The following DIP2A variants were observed in gnomAD, a reference collection of about 807,000 sequenced individuals.
The protein encoded by DIP2A is disco-interacting protein 2 homolog A.
DIP2A carries 85 observed loss-of-function variants against 177.4 expected under a neutral mutation model. The observed-to-expected ratio is 0.48, with a 90% confidence interval of 0.40 to 0.57. DIP2A has a LOEUF of 0.57. Ranked by LOEUF, DIP2A falls within the 20% of genes least tolerant of loss-of-function variation. The pLI is 0.00. For synonymous variants in DIP2A, 886 were observed against 881.8 expected, an observed-to-expected ratio of 1.00 and a Z score of -0.08; for missense variants, 1,791 against 2,100.2, an observed-to-expected ratio of 0.85 and a Z score of 2.88.
At chr21:46,461,582 T>G (rs1363248192) in intron 1 of DIP2A, among the ~76,000 whole-genome samples, 1 of 152,210 alleles carries the variant, frequency 6.6e-6, no homozygotes, top group East Asian at 1.9e-4. Flanking sequence ...TCAAAGAACT[T>G]TATAATTTGT....
intron 1 of DIP2A, among the ~76,000 whole-genome samples, chr21:46,464,817 C>CTTTTTTTTTTTTTTTTTTTTTTTTTTTT (rs1168153777): frequency 6.8e-5 from 5 of 73,442 alleles, no homozygotes; most frequent in Non-Finnish European, 9.9e-5. Context: ...ATATTCATGT[C>CTTTTTTTTTTTTTTTTTTTTTTTTTTTT]TTTTTTTTTT....
chr21:46,551,538 C>T, intron 23 of DIP2A, 96 bp from the exon 24 acceptor site: 2 of 1,085,824 alleles, frequency 1.8e-6, no homozygotes, highest in Non-Finnish European at 2.7e-6. Context: ...ATGCCTCATT[C>T]AAGTATGTTT....
At chr21:46,576,967 A>G in the DIP2A span, among the ~76,000 whole-genome samples, 2 of 151,766 alleles carry the variant, frequency 1.3e-5, no homozygotes, top group Admixed American at 6.6e-5. Flanking sequence ...CCCACTTTTT[A>G]ATGAGGTTGG....
chr21:46,555,499 C>T lies in DIP2A; in HGVS notation c.3389-483C>T, dbSNP rs903071777. On this transcript the variant is annotated intron_variant, in intron 28 of 37. Transcript: ENST00000417564. The stretch of plus-strand genomic sequence containing the variant: ...CCTCACGGGCTTGCCTCAAGGGGAG[C>T]GGTGCCTGCCCTGCTGAGCCTGTGT... 1.5e-5 allele frequency: 3 copies of T among 195,504 alleles called. No homozygotes were observed. The South Asian group carries it at 2.6e-4, about 17-fold the overall frequency. 12.1% of individuals were successfully genotyped at this position (195,504 alleles called of 1,614,324 possible). A position where few individuals can be genotyped will look rare whatever the true frequency, so the allele number is the denominator to read the frequency against.
Position 46,561,736 on chromosome 21 carries a change from C to T in DIP2A, c.4032-12C>T. The T allele has an allele frequency of 6.2e-7, 1 of 1,613,878 alleles. No individual in the cohort carries two copies. Among genetic ancestry groups the T allele is most frequent in the Non-Finnish European group, 8.5e-7 (1 of 1,179,852 alleles). On this transcript the variant is annotated splice_polypyrimidine_tract_variant and intron_variant, in intron 33 of 37. Transcript: ENST00000417564. ...GTAAATTTTGTACTGAAATTGTTCCCTTAATTTTTAGGGTTCGTTTGGTAG... is the reference window on the plus strand; with the variant it reads ...GTAAATTTTGTACTGAAATTGTTCCTTTAATTTTTAGGGTTCGTTTGGTAG...
At chr21:46,544,568 A>G (rs78463142) in intron 18 of DIP2A, among the ~76,000 whole-genome samples, 9,068 of 152,272 alleles carry the variant, frequency 0.06, 334 homozygotes, top group Non-Finnish European at 0.082. Flanking sequence ...AGCAGCATCA[A>G]GGTTGTTTTG....
downstream of DIP2A, among the ~76,000 whole-genome samples, chr21:46,571,784 G>A (rs1240784869): frequency 6.6e-6 from 1 of 152,186 alleles, no homozygotes; most frequent in Non-Finnish European, 1.5e-5. Flanking sequence ...GCTTATCAGA[G>A]TAAGGAGATT....
chr21:46,569,574 G>C lies in DIP2A; in HGVS notation c.*1952G>C, dbSNP rs1027982258. 1 of 152,060 alleles carries C rather than the reference G, an allele frequency of 6.6e-6. No homozygotes were observed. Among genetic ancestry groups the C allele is most frequent in the Non-Finnish European group, 1.5e-5 (1 of 68,002 alleles). 9.4% of individuals were successfully genotyped at this position (152,060 alleles called of 1,614,324 possible). A position where few individuals can be genotyped will look rare whatever the true frequency, so the allele number is the denominator to read the frequency against. On this transcript the variant is annotated 3_prime_UTR_variant, in exon 38 of 38. Transcript: ENST00000417564. ...CAGCTTTTTGTATTGAAAGGTCAGT[G>C]GTGGTAAGACAAGGTGTCTTGTAAA... is the stretch of plus-strand genomic sequence containing the variant.
At chr21:46,470,730 C>A (rs1234202812) in intron 1 of DIP2A, among the ~76,000 whole-genome samples, 3 of 150,456 alleles carry the variant, frequency 2.0e-5, no homozygotes, top group Non-Finnish European at 4.4e-5. Flanking sequence ...CACCATTGCA[C>A]TCCAGCCTGG....
intron 21 of DIP2A, among the ~76,000 whole-genome samples, chr21:46,547,467 T>G (rs1484413013): frequency 6.6e-6 from 1 of 152,150 alleles, no homozygotes; most frequent in Non-Finnish European, 1.5e-5. Flanking sequence ...TCTACATGTG[T>G]AAAGCAAGGA....
chr21:46,501,811 A>T (rs968048892), intron 5 of DIP2A, among the ~76,000 whole-genome samples: 1 of 152,222 alleles, frequency 6.6e-6, no homozygotes, highest in Non-Finnish European at 1.5e-5. Flanking sequence ...AAAATCATTT[A>T]TTCTTTTTGC....
chr21:46,556,877 C>T lies in DIP2A; in HGVS notation c.3499-62C>T. 2 of 1,428,944 alleles carry T rather than the reference C, an allele frequency of 1.4e-6. No homozygotes were observed. The highest frequency in any genetic ancestry group is 2.5e-5 in the East Asian group (1 of 39,860). 88.5% of individuals were successfully genotyped at this position (1,428,944 alleles called of 1,614,324 possible). ...CATGTGAACAGCGGACACTGCCATC[C>T]ACCCTCTCCCCTCCTGAATTTCATT... On this transcript the variant is annotated intron_variant, in intron 29 of 37. Transcript: ENST00000417564. The surrounding 1 kb of genome is among the most constrained non-coding windows in gnomAD (Gnocchi z 4.5).
rs1228894763 is a variant in DIP2A at position 46,498,964 on chromosome 21, CA to C, written c.655+133del. On this transcript the variant is annotated intron_variant, in intron 5 of 37. Transcript: ENST00000417564. This position sits in a 1 kb window ranked among gnomAD's most constrained non-coding sequence, Gnocchi z 4.3. ...CTTAGCTGCAGGCCTGAGTGCTCTC[CA>C]AGTGACTGAGGTCACACAACCCAGA... 40 of 1,241,208 alleles carry C rather than the reference CA, an allele frequency of 3.2e-5. No homozygotes were observed. The highest frequency in any genetic ancestry group is 3.1e-5 in the Non-Finnish European group (29 of 924,364). 76.9% of individuals were successfully genotyped at this position (1,241,208 alleles called of 1,614,324 possible). A position where few individuals can be genotyped will look rare whatever the true frequency, so the allele number is the denominator to read the frequency against.
chr21:46,557,923 A>G lies in DIP2A; in HGVS notation c.3798+170A>G, dbSNP rs981099492. Among the ~76,000 whole-genome samples, 2 of 152,112 alleles carry G rather than the reference A, an allele frequency of 1.3e-5. No individual in the cohort carries two copies. The highest frequency in any genetic ancestry group is 1.3e-4 in the Admixed American group (2 of 15,284). ...GTACACATCTGTCCTCCCACGGCCC[A>G]CCTGTCTCTGCAGCTCCACACCCCG... On this transcript the variant is annotated intron_variant, in intron 31 of 37. Coordinates refer to ENST00000417564, the MANE Select transcript of DIP2A (RefSeq NM_015151.4). The surrounding 1 kb of genome is among the most constrained non-coding windows in gnomAD (Gnocchi z 6.0).
Position 46,533,626 on chromosome 21 carries a change from G to A in DIP2A, c.1408G>A (p.Gly470Arg). 1 of 1,614,038 alleles carries A rather than the reference G, an allele frequency of 6.2e-7. No homozygotes were observed. Among genetic ancestry groups the A allele is most frequent in the Non-Finnish European group, 8.5e-7 (1 of 1,179,890 alleles). Residue 470 changes from glycine to arginine, a missense_variant, in exon 11 of 38, where the codon GGA (glycine) becomes AGA (arginine). By Grantham distance (125) the Gly-to-Arg change is moderately radical (BLOSUM62 -2). Coordinates refer to ENST00000417564, the MANE Select transcript of DIP2A (RefSeq NM_015151.4). ...GAAAGGCCTCCCCAAGGCACAGACA[G>A]GAGAGGTGGCAGCTTTCAAAGGTGA... is the stretch of plus-strand genomic sequence containing the variant. ...CQKGLPKAQT[G>R]EVAAFKGWPP...
intron 23 of DIP2A, 120 bp from the exon 24 acceptor site, chr21:46,551,514 A>C: frequency 2.5e-6 from 2 of 806,338 alleles, no homozygotes; most frequent in Non-Finnish European, 4.0e-6. Context: ...TTTGTATCTC[A>C]GTAGAAGAGT....
At chr21:46,552,478 G>A (rs149739335) in intron 25 of DIP2A, among the ~76,000 whole-genome samples, 221 of 152,290 alleles carry the variant, frequency 1.5e-3, no homozygotes, top group Non-Finnish European at 2.6e-3. Flanking sequence ...GCAGGAATGC[G>A]AAATGCGGAA....
intron 5 of DIP2A, among the ~76,000 whole-genome samples, chr21:46,499,584 A>T (rs1165744697): frequency 6.6e-6 from 1 of 152,194 alleles, no homozygotes; most frequent in Non-Finnish European, 1.5e-5. Flanking sequence ...TAATCATATG[A>T]TGCATGGATC....
intron 1 of DIP2A, among the ~76,000 whole-genome samples, chr21:46,475,393 T>C (rs909285148): frequency 1.3e-5 from 2 of 152,220 alleles, no homozygotes; most frequent in Non-Finnish European, 2.9e-5. Context: ...GTTATCTACC[T>C]GTATGTCCTG....
Sources: gnomAD v4.1 joint callset for allele counts (sites outside exome capture counted in the v4.1 genomes callset) on GRCh38, gnomAD v4.1.1 for gene constraint, Gnocchi (gnomAD v3.1) non-coding constraint, MANE v1.5 for transcripts, NCBI Gene and HGNC (gene_info 2026-07-23, HGNC 2026-07-21) for gene names.